The following RANBP2 variants were observed in gnomAD, a reference collection of about 807,000 sequenced individuals.
RANBP2 encodes the protein E3 SUMO-protein ligase RanBP2.
A neutral mutation model predicts 303.6 loss-of-function variants in RANBP2; 57 were observed. The observed-to-expected ratio is 0.19, with a 90% CI of 0.15 to 0.23. The LOEUF (loss-of-function observed/expected upper bound fraction) is 0.23. Ranked by LOEUF, RANBP2 falls within the 10% of genes least tolerant of loss-of-function variation. The probability of loss-of-function intolerance (pLI) is 1.00; values close to 1 mark genes in which losing one functional copy is unlikely to be tolerated. For missense variants in RANBP2, 3,138 were observed against 3,780.8 expected (o/e 0.83, Z 4.46); for synonymous variants, 1,167 against 1,301.5 (o/e 0.90, Z 2.23).
chr2:109,711,127 A>G, the RANBP2 span, among the ~76,000 whole-genome samples: 9 of 151,948 alleles, frequency 5.9e-5, no homozygotes, highest in African/African-American at 2.2e-4. Context: ...CTCCTCAGGG[A>G]CATCTGAAAG....
the RANBP2 span, among the ~76,000 whole-genome samples, chr2:109,653,875 T>G: frequency 3.9e-5 from 6 of 152,182 alleles, no homozygotes; most frequent in Non-Finnish European, 8.8e-5. Flanking sequence ...CTCCAGAATC[T>G]TATTGGTAAA....
At chr2:109,727,033 G>A in the RANBP2 span, among the ~76,000 whole-genome samples, 70 of 152,302 alleles carry the variant, frequency 4.6e-4, 1 homozygote, top group Admixed American at 4.3e-3. Context: ...TTGGAGGCGC[G>A]TGGGGGTCAG....
chr2:109,471,758 C>T, the RANBP2 span, among the ~76,000 whole-genome samples: 1 of 152,218 alleles, frequency 6.6e-6, no homozygotes, highest in Non-Finnish European at 1.5e-5. Flanking sequence ...GTCCCAAGAG[C>T]TTAGCCATAG....
chr2:109,137,823 G>A, the RANBP2 span, among the ~76,000 whole-genome samples: 1 of 152,328 alleles, frequency 6.6e-6, no homozygotes, highest in East Asian at 1.9e-4. Flanking sequence ...CACTGTTGCT[G>A]TTTGATTTGA....
the RANBP2 span, among the ~76,000 whole-genome samples, chr2:108,999,726 G>C: frequency 6.6e-6 from 1 of 152,184 alleles, no homozygotes; most frequent in East Asian, 1.9e-4. Flanking sequence ...AGGCTTCCTA[G>C]AAGGCAAAGA....
At chr2:109,306,943 A>G in the RANBP2 span, among the ~76,000 whole-genome samples, 4 of 152,322 alleles carry the variant, frequency 2.6e-5, no homozygotes, top group East Asian at 3.9e-4. Context: ...ATGGTGTGCT[A>G]TGGAGGTGTT....
the RANBP2 span, among the ~76,000 whole-genome samples, chr2:109,282,396 T>C: frequency 6.6e-5 from 10 of 152,106 alleles, no homozygotes; most frequent in Non-Finnish European, 1.2e-4. Context: ...TACCAAAACA[T>C]GGGTGTGAAG....
the RANBP2 span, among the ~76,000 whole-genome samples, chr2:109,528,998 C>T: frequency 6.6e-6 from 1 of 152,198 alleles, no homozygotes; most frequent in African/African-American, 2.4e-5. Context: ...CCTCCGACTT[C>T]CTCCACTATA....
the RANBP2 span, among the ~76,000 whole-genome samples, chr2:108,864,526 G>A: frequency 8.0e-3 from 1,209 of 151,954 alleles, 15 homozygotes; most frequent in African/African-American, 0.027. Context: ...AGCCGGGCAC[G>A]GTGGCTCACA....
chr2:108,898,304 C>G, the RANBP2 span, among the ~76,000 whole-genome samples: 2 of 152,090 alleles, frequency 1.3e-5, no homozygotes, highest in African/African-American at 4.8e-5. Context: ...CTCCTCTGCC[C>G]CCGTGGTGAC....
the RANBP2 span, among the ~76,000 whole-genome samples, chr2:109,050,380 A>G: frequency 6.6e-6 from 1 of 151,788 alleles, no homozygotes; most frequent in African/African-American, 2.4e-5. Context: ...CAGCCTCCTA[A>G]ATAGCTGGGA....
At chr2:109,508,479 T>C in the RANBP2 span, among the ~76,000 whole-genome samples, 1 of 152,128 alleles carries the variant, frequency 6.6e-6, no homozygotes, top group Non-Finnish European at 1.5e-5. Flanking sequence ...GCACGCGTCT[T>C]CCGAGGGCCA....
the RANBP2 span, among the ~76,000 whole-genome samples, chr2:109,302,893 T>C: frequency 2.6e-5 from 4 of 152,204 alleles, no homozygotes; most frequent in African/African-American, 7.2e-5. Flanking sequence ...TGTTTGTTTT[T>C]TGAGGCAGAG....
chr2:109,724,546 T>C, the RANBP2 span, among the ~76,000 whole-genome samples: 2 of 152,168 alleles, frequency 1.3e-5, no homozygotes, highest in Admixed American at 6.5e-5. Context: ...GTGGGCACAC[T>C]CCTCAGAACA....
At chr2:108,850,478 G>A in the RANBP2 span, among the ~76,000 whole-genome samples, 5 of 152,164 alleles carry the variant, frequency 3.3e-5, no homozygotes, top group African/African-American at 1.2e-4. Context: ...TGGAGACAGA[G>A]TTTCACCCTG....
chr2:109,303,665 C>A, the RANBP2 span, among the ~76,000 whole-genome samples: 4 of 152,196 alleles, frequency 2.6e-5, no homozygotes, highest in African/African-American at 9.6e-5. Flanking sequence ...GGAGACTGCC[C>A]ACATTCGGGT....
the RANBP2 span, among the ~76,000 whole-genome samples, chr2:109,582,123 C>T: frequency 2.0e-5 from 3 of 151,550 alleles, no homozygotes; most frequent in East Asian, 1.9e-4. Context: ...CTCACTCTCA[C>T]GCAAAAACCT....
At chr2:108,979,479 A>T in the RANBP2 span, among the ~76,000 whole-genome samples, 5 of 151,330 alleles carry the variant, frequency 3.3e-5, no homozygotes, top group African/African-American at 9.7e-5. Flanking sequence ...ACACACACAC[A>T]CACACACACA....
At chr2:109,137,883 C>T in the RANBP2 span, among the ~76,000 whole-genome samples, 3 of 152,228 alleles carry the variant, frequency 2.0e-5, no homozygotes, top group African/African-American at 7.2e-5. Flanking sequence ...AGTGCTCACC[C>T]ATGTGGGTTG....
Sources: gnomAD v4.1 joint callset for allele counts (sites outside exome capture counted in the v4.1 genomes callset) on GRCh38, gnomAD v4.1.1 for gene constraint, MANE v1.5 for transcripts, NCBI Gene and HGNC (gene_info 2026-07-23, HGNC 2026-07-21) for gene names.